LAMA1: variants seen among roughly 807,000 people sequenced by gnomAD.
The protein encoded by LAMA1 is laminin subunit alpha-1.
LAMA1 carries 219 observed loss-of-function variants against 348.7 expected under a neutral mutation model. The ratio of observed to expected loss-of-function variants is 0.63; its 90% CI spans 0.56 to 0.70. The LOEUF (loss-of-function observed/expected upper bound fraction) is 0.70. Among genes scored for constraint, LAMA1 ranks in the 30% least tolerant of loss-of-function variants. LAMA1 has a pLI of 0.00. For missense variants in LAMA1, 3,744 were observed against 3,888.0 expected (o/e 0.96, Z 0.99); for synonymous variants, 1,487 against 1,491.0 (o/e 1.00, Z 0.06).
At chr18:7,016,733 A>G (rs1433068037) in intron 20 of LAMA1, 62 bp from the exon 21 acceptor site, 16 of 1,408,212 alleles carry the variant, frequency 1.1e-5, no homozygotes, top group Non-Finnish European at 1.6e-5. Flanking sequence ...GACTCCTCAT[A>G]TTAGTATGTT....
intron 46 of LAMA1, 50 bp downstream of exon 46, chr18:6,974,853 G>A (rs140422464): frequency 1.9e-6 from 3 of 1,608,790 alleles, no homozygotes; most frequent in East Asian, 2.2e-5. Context: ...AATTACTTAT[G>A]AGACACACTT....
In LAMA1 at chr18:6,949,271, T is replaced by C. The variant is rs748172577; in HGVS notation, c.8398-12A>G. The C allele has an allele frequency of 1.9e-6, 3 of 1,614,070 alleles. No homozygotes were observed. In the South Asian group the frequency reaches 3.3e-5, roughly 18 times the overall value. On this transcript the variant is annotated splice_polypyrimidine_tract_variant and intron_variant, in intron 58 of 62. Coordinates refer to ENST00000389658, the MANE Select transcript of LAMA1 (RefSeq NM_005559.4). ...TAGTCTGTCTTGACCTACAGCAAAG[T>C]GAAAACATGCATAATTTTTGAGGAA...
intron 32 of LAMA1, 110 bp from the exon 33 acceptor site, chr18:6,997,994 G>T: frequency 1.1e-6 from 1 of 950,984 alleles, no homozygotes; most frequent in Non-Finnish European, 1.7e-6. Flanking sequence ...TGCGGTCAGA[G>T]TACACTCCAA....
intron 33 of LAMA1, among the ~76,000 whole-genome samples, 173 bp from the exon 34 acceptor site, chr18:6,995,619 T>C (rs1284862470): frequency 6.6e-6 from 1 of 152,186 alleles, no homozygotes; most frequent in Non-Finnish European, 1.5e-5. Flanking sequence ...TATAGCGACA[T>C]GATTCTACAC....
chr18:7,010,056 C>T, intron 26 of LAMA1, 144 bp downstream of exon 26: 2 of 851,306 alleles, frequency 2.3e-6, no homozygotes, highest in Non-Finnish European at 1.9e-6. Context: ...ATCCACCCAC[C>T]TCGGCTTCTC....
chr18:7,092,273 T>G (rs1326963034), intron 1 of LAMA1, among the ~76,000 whole-genome samples: 1 of 152,212 alleles, frequency 6.6e-6, no homozygotes, highest in African/African-American at 2.4e-5. Context: ...TTGTCTTCAT[T>G]GTCTCCAATT....
At chr18:7,017,436 T>A (rs1239725820) in intron 19 of LAMA1, 52 bp from the exon 20 acceptor site, 7 of 1,303,292 alleles carry the variant, frequency 5.4e-6, no homozygotes, top group Non-Finnish European at 6.6e-6. Flanking sequence ...AGGATGGTTA[T>A]CATAAGATCC....
At chr18:7,023,132 C>A in intron 19 of LAMA1, 32 bp downstream of exon 19, 1 of 1,597,526 alleles carries the variant, frequency 6.3e-7, no homozygotes, top group Non-Finnish European at 8.5e-7. Flanking sequence ...TGGCAATAAA[C>A]AGCTGACCTG....
intron 1 of LAMA1, among the ~76,000 whole-genome samples, chr18:7,108,408 C>T (rs2058322586): frequency 6.6e-6 from 1 of 151,884 alleles, no homozygotes; most frequent in South Asian, 2.1e-4. Context: ...TACCTGTAAT[C>T]CCAGCACTTT....
chr18:7,021,853 T>TAGAA (rs2057919031), intron 19 of LAMA1, among the ~76,000 whole-genome samples: 1 of 70,092 alleles, frequency 1.4e-5, no homozygotes, highest in Non-Finnish European at 2.9e-5. Context: ...TATATTATAT[T>TAGAA]ATATATATTA....
intron 41 of LAMA1, among the ~76,000 whole-genome samples, chr18:6,981,398 C>G (rs1485752261): frequency 2.6e-5 from 4 of 152,200 alleles, no homozygotes; most frequent in Non-Finnish European, 5.9e-5. Context: ...AATCCTCCAT[C>G]CCCTACTATT....
chr18:7,024,651 G>A (rs1293631688), intron 17 of LAMA1, among the ~76,000 whole-genome samples, 185 bp from the exon 18 acceptor site: 1 of 152,104 alleles, frequency 6.6e-6, no homozygotes, highest in Non-Finnish European at 1.5e-5. Flanking sequence ...CAGACTCCTG[G>A]TCCCATGATC....
Position 7,049,218 on chromosome 18 carries a change from C to T in LAMA1, c.628G>A (p.Asp210Asn), listed in dbSNP as rs532162048. 9.3e-6 allele frequency: 15 copies of T among 1,613,964 alleles called. No homozygotes were observed. The South Asian group carries it at 9.9e-5, about 11-fold the overall frequency. ...AATTCCAACAACTTGGGTGAAAGAT[C>T]GTCAGCGCTTGGTCTGCCATTGATG... ...SLINGRPSAD[D>N]LSPKLLEFTS... is the part of the protein sequence containing the mutation. The change falls in exon 5 of 63, where the codon GAT (aspartate) becomes AAT (asparagine). Residue 210 changes from aspartate (D) to asparagine (N), a missense_variant. Asp to Asn is a conservative substitution (Grantham distance 23). Transcript: ENST00000389658.
chr18:7,018,147 C>A (rs549999222), intron 19 of LAMA1, among the ~76,000 whole-genome samples: 1 of 151,740 alleles, frequency 6.6e-6, no homozygotes, highest in South Asian at 2.1e-4. Flanking sequence ...ACCAGCCTGG[C>A]CAACGTGGTG....
intron 58 of LAMA1, 42 bp from the exon 59 acceptor site, chr18:6,949,301 A>T: frequency 6.2e-7 from 1 of 1,601,680 alleles, no homozygotes; most frequent in Non-Finnish European, 8.6e-7. Flanking sequence ...GAGGAATCTG[A>T]AAAAACTTTT....
At chr18:7,003,479 C>A (rs557199746) in intron 29 of LAMA1, among the ~76,000 whole-genome samples, 97 of 152,162 alleles carry the variant, frequency 6.4e-4, no homozygotes, top group African/African-American at 2.1e-3. Context: ...AGGATGGTCT[C>A]GATCTCCTGA....
At chr18:7,071,220 C>T (rs1265578857) in intron 3 of LAMA1, among the ~76,000 whole-genome samples, 2 of 152,162 alleles carry the variant, frequency 1.3e-5, no homozygotes, top group Non-Finnish European at 2.9e-5. Context: ...CACCTGCAGC[C>T]GTAGACTCTG....
intron 1 of LAMA1, among the ~76,000 whole-genome samples, chr18:7,091,359 C>G (rs1356889211): frequency 6.6e-6 from 1 of 152,144 alleles, no homozygotes; most frequent in Non-Finnish European, 1.5e-5. Context: ...GCAAATGCAG[C>G]CTTTAAGTTG....
chr18:6,982,436 C>T (rs2057715869), intron 41 of LAMA1, 61 bp downstream of exon 41: 1 of 1,337,150 alleles, frequency 7.5e-7, no homozygotes, highest in South Asian at 1.2e-5. Flanking sequence ...TTCTTAGAGG[C>T]TGCTCAGCGA....
Sources: allele counts gnomAD v4.1 joint callset (sites outside exome capture counted in the v4.1 genomes callset), GRCh38; gene constraint gnomAD v4.1.1; transcripts MANE v1.5; gene names NCBI Gene and HGNC (gene_info 2026-07-23, HGNC 2026-07-21).